NELFB: variants seen among roughly 807,000 people sequenced by gnomAD.
The protein encoded by NELFB is negative elongation factor B.
Under a neutral mutation model 60.2 loss-of-function variants are expected in NELFB, and 34 were observed. That is an observed-to-expected ratio of 0.56 (90% CI 0.43 to 0.75). NELFB has a LOEUF of 0.75. Among genes scored for constraint, NELFB ranks in the 30% least tolerant of loss-of-function variants. The pLI, the probability that NELFB is intolerant of heterozygous loss-of-function variation, is 0.00. For missense variants in NELFB, 770 were observed against 831.6 expected, an observed-to-expected ratio of 0.93 and a Z score of 0.91; for synonymous variants, 459 against 382.1, an observed-to-expected ratio of 1.20 and a Z score of -2.35.
At position 137,272,763 on chromosome 9, in the gene NELFB, A is replaced by T. The variant is rs1564446396; in HGVS notation, c.1741-19A>T. 6.5e-7 allele frequency: 1 copy of T among 1,534,822 alleles called. No homozygotes were observed. The highest frequency in any genetic ancestry group is 1.2e-5 in the South Asian group (1 of 82,484). ...CCTGCCCATGCGCCTCGCCTGCCCC[A>T]TGGTGTGGTTCCCCGCAGAGCGGAG... On this transcript the variant is annotated intron_variant, in intron 12 of 12. Transcript: ENST00000343053.
At position 137,256,090 on chromosome 9, in the gene NELFB, G is replaced by A; in HGVS notation, c.410+20G>A. The A allele has an allele frequency of 1.2e-6, 2 of 1,608,304 alleles. No homozygotes were observed. The highest frequency in any genetic ancestry group is 8.5e-7 in the Non-Finnish European group (1 of 1,175,776). ...GGAAAGGTGGGTCAGCGGGAGGGGT[G>A]GGCAGGTGAGATGTGCAGCCGGCCT... On this transcript the variant is annotated intron_variant, in intron 2 of 12. Transcript: ENST00000343053.
intron 4 of NELFB, among the ~76,000 whole-genome samples, chr9:137,257,266 A>G (rs779275314): frequency 7.2e-5 from 11 of 152,270 alleles, no homozygotes; most frequent in Non-Finnish European, 1.2e-4. Flanking sequence ...TTAAAGTGAT[A>G]TATGGACAAC....
Position 137,269,943 on chromosome 9 carries a change from A to G in NELFB, c.1490-2138A>G, listed in dbSNP as rs1220956188. 6.6e-6 allele frequency among the ~76,000 whole-genome samples: 1 copy of G among 152,080 alleles called. No homozygotes were observed. The highest frequency in any genetic ancestry group is 1.5e-5 in the Non-Finnish European group (1 of 68,018). ...TTTTAGCGGGTTCTAGTAAGAATGGATGTTGATTTTTAGAATTCTCTCCTG... is the reference window on the plus strand; with the variant it reads ...TTTTAGCGGGTTCTAGTAAGAATGGGTGTTGATTTTTAGAATTCTCTCCTG... On this transcript the variant is annotated intron_variant, in intron 10 of 12. Transcript: ENST00000343053. The surrounding 1 kb of genome is among the most constrained non-coding windows in gnomAD (Gnocchi z 5.3).
rs1588191727 is a variant in NELFB, at chr9:137,272,507, G to A, written c.1632G>A (p.Arg544=). Residue 544 remains arginine, a splice_region_variant and synonymous_variant, in exon 12 of 13, where the codon AGG becomes AGA. Transcript: ENST00000343053. Reference sequence around the variant, plus strand: ...CCCAGCCCTGCACGGCCTTTTCCAGGAAGGAGAACGTGCACCGGCACGCGC... The same window carrying A: ...CCCAGCCCTGCACGGCCTTTTCCAGAAAGGAGAACGTGCACCGGCACGCGC... 1 of 1,611,532 alleles carries A rather than the reference G, an allele frequency of 6.2e-7. No homozygotes were observed. The highest frequency in any genetic ancestry group is 8.5e-7 in the Non-Finnish European group (1 of 1,179,260).
chr9:137,264,101 C>T (rs894530259), intron 5 of NELFB, 144 bp from the exon 6 acceptor site: 3 of 631,358 alleles, frequency 4.8e-6, no homozygotes, highest in East Asian at 2.8e-5. Context: ...AACACTGCAC[C>T]GTCAGGATGA....
At chr9:137,271,922 C>G (rs1057408840) in intron 10 of NELFB, among the ~76,000 whole-genome samples, 159 bp from the exon 11 acceptor site, 4 of 151,908 alleles carry the variant, frequency 2.6e-5, no homozygotes, top group Non-Finnish European at 5.9e-5. Flanking sequence ...TTCCCACCCC[C>G]CTCTTCACCT....
At chr9:137,257,917 T>A (rs1019415611) in intron 4 of NELFB, among the ~76,000 whole-genome samples, 1 of 151,890 alleles carries the variant, frequency 6.6e-6, no homozygotes, top group Non-Finnish European at 1.5e-5. Context: ...AAAGTGATCT[T>A]CCTGAGTAGC....
chr9:137,269,237 C>T lies in NELFB; in HGVS notation c.1489+1891C>T, dbSNP rs1432145990. ...CTCACTGAGCTTGGGTTGCCTGGGC[C>T]TGGGTTTCCTGTTGTTGCTGGAACG... On this transcript the variant is annotated intron_variant, in intron 10 of 12. Transcript: ENST00000343053. The surrounding 1 kb of genome is among the most constrained non-coding windows in gnomAD (Gnocchi z 5.3). Among the ~76,000 whole-genome samples the T allele has an allele frequency of 6.6e-6, 1 of 152,060 alleles. No homozygotes were observed. The highest frequency in any genetic ancestry group is 1.5e-5 in the Non-Finnish European group (1 of 68,026).
intron 10 of NELFB, 102 bp downstream of exon 10, chr9:137,267,448 G>A (rs1221418052): frequency 1.1e-6 from 1 of 911,500 alleles, no homozygotes; most frequent in Admixed American, 2.9e-5. Flanking sequence ...GAGCTGCCTT[G>A]TCTCCCCAGC....
At position 137,266,473 on chromosome 9, in the gene NELFB, G is replaced by A. The variant is rs181810398; in HGVS notation, c.1239+47G>A. ...CTGCCAGTTTCCTACGAGGGGTTGTGGGCTGGAAGTGGGGTGGAGGGGGAG... is the reference window on the plus strand; with the variant it reads ...CTGCCAGTTTCCTACGAGGGGTTGTAGGCTGGAAGTGGGGTGGAGGGGGAG... On this transcript the variant is annotated intron_variant, in intron 8 of 12. Coordinates refer to ENST00000343053, the MANE Select transcript of NELFB (RefSeq NM_015456.5). 3.6e-4 allele frequency: 561 copies of A among 1,545,940 alleles called. 2 individuals are homozygous for A. In the East Asian group the frequency reaches 0.012, roughly 32 times the overall value.
chr9:137,257,975 T>C (rs986034084), intron 4 of NELFB, among the ~76,000 whole-genome samples: 2 of 151,718 alleles, frequency 1.3e-5, no homozygotes, highest in Admixed American at 6.6e-5. Flanking sequence ...TAAAAATATA[T>C]ATATATTTTT....
Position 137,267,035 on chromosome 9 carries a change from A to G in NELFB, c.1331A>G (p.Glu444Gly). 1 of 1,614,080 alleles carries G rather than the reference A, an allele frequency of 6.2e-7. No individual in the cohort carries two copies. Among genetic ancestry groups the G allele is most frequent in the Non-Finnish European group, 8.5e-7 (1 of 1,180,016 alleles). ...AATGTGGATCAGAAACTTCCGGCTG[A>G]GGAGAAAGCCCCAGTCTCATATCCA... The change falls in exon 9 of 13, where the codon GAG (glutamate) becomes GGG (glycine). Residue 444 changes from glutamate (E) to glycine (G), a missense_variant. By Grantham distance (98) the Glu-to-Gly change is moderately conservative. Transcript: ENST00000343053.
intron 3 of NELFB, 96 bp from the exon 4 acceptor site, chr9:137,256,728 C>G (rs1008310314): frequency 1.7e-6 from 2 of 1,157,078 alleles, no homozygotes; most frequent in Non-Finnish European, 2.5e-6. Flanking sequence ...GAGCTTAGCT[C>G]GAGGTGGTCT....
intron 6 of NELFB, 84 bp from the exon 7 acceptor site, chr9:137,265,793 G>A (rs1830510859): frequency 2.2e-6 from 2 of 911,518 alleles, no homozygotes; most frequent in African/African-American, 1.6e-5. Flanking sequence ...CCTGAATTCA[G>A]CCTAGGCCAC....
At position 137,266,348 on chromosome 9, in the gene NELFB, G is replaced by C. The variant is rs1403178869; in HGVS notation, c.1161G>C (p.Leu387=). 2.5e-6 allele frequency: 4 copies of C among 1,612,892 alleles called. No homozygotes were observed. Among genetic ancestry groups the C allele is most frequent in the Non-Finnish European group, 3.4e-6 (4 of 1,179,954 alleles). Residue 387 remains leucine, a synonymous_variant, in exon 8 of 13, where the codon CTG becomes CTC. Coordinates refer to ENST00000343053, the MANE Select transcript of NELFB (RefSeq NM_015456.5). ...CCCTACAGGACAGCCCCGACCTCCT[G>C]CTGCTGCTCCGGCTGCTGGCGCTGG... is the stretch of plus-strand genomic sequence containing the variant.
intron 4 of NELFB, among the ~76,000 whole-genome samples, chr9:137,262,611 G>A (rs13295038): frequency 0.69 from 104,521 of 152,154 alleles, 36,544 homozygotes; most frequent in Admixed American, 0.77. Context: ...AACTATTCTT[G>A]CATATTTTGT....
intron 4 of NELFB, among the ~76,000 whole-genome samples, chr9:137,257,496 TTC>T (rs1444922219): frequency 8.3e-6 from 1 of 120,334 alleles, no homozygotes; most frequent in Non-Finnish European, 1.8e-5. Context: ...CTAATTTTTT[TTC>T]TTTTTCTTTT....
Position 137,264,497 on chromosome 9 carries a change from G to C in NELFB, c.1040+140G>C, listed in dbSNP as rs11516118. On this transcript the variant is annotated intron_variant, in intron 6 of 12. Coordinates refer to ENST00000343053, the MANE Select transcript of NELFB (RefSeq NM_015456.5). ...TTTGTTTTTTTCGAGACAGAGTCTC[G>C]TTCTGTAGCCCAGGATGGAGTGCAG... The C allele has an allele frequency of 2.4e-4, 159 of 654,728 alleles. 5 individuals carry two copies. In the South Asian group the frequency reaches 2.8e-3, roughly 12 times the overall value. The allele number at this position is 654,728 out of a possible 1,614,324, so 40.6% of individuals were successfully genotyped here. A position where few individuals can be genotyped will look rare whatever the true frequency, so the allele number is the denominator to read the frequency against.
chr9:137,270,358 A>G (rs1830569418), intron 10 of NELFB, among the ~76,000 whole-genome samples: 2 of 151,738 alleles, frequency 1.3e-5, no homozygotes, highest in South Asian at 2.1e-4. Context: ...TGGGAGGCCA[A>G]GGCGGGTGGA....
Sources: gnomAD v4.1 joint callset for allele counts (sites outside exome capture counted in the v4.1 genomes callset) on GRCh38, gnomAD v4.1.1 for gene constraint, Gnocchi (gnomAD v3.1) non-coding constraint, MANE v1.5 for transcripts, NCBI Gene and HGNC (gene_info 2026-07-23, HGNC 2026-07-21) for gene names.